Variants in ARL15 observed in about 807,000 individuals in gnomAD.
ARL15 encodes ARF like GTPase 15.
ARL15 carries 19 observed loss-of-function variants against 25.2 expected under a neutral mutation model. That is an observed-to-expected ratio of 0.75 (90% CI 0.53 to 1.10). The LOEUF is 1.10. ARL15 is among the 50% of genes least tolerant of loss of function. ARL15 has a pLI of 0.00. For synonymous variants in ARL15, 94 were observed against 86.8 expected, an observed-to-expected ratio of 1.08 and a Z score of -0.46; for missense variants, 220 against 246.0, an observed-to-expected ratio of 0.89 and a Z score of 0.71.
intron 4 of ARL15, among the ~76,000 whole-genome samples, chr5:54,086,842 C>T (rs181933766): frequency 2.0e-4 from 31 of 152,210 alleles, no homozygotes; most frequent in African/African-American, 5.8e-4. Flanking sequence ...TTCCTCTAGG[C>T]GGTTGACTTA....
At chr5:54,051,911 C>T (rs76925607) in intron 4 of ARL15, among the ~76,000 whole-genome samples, 6,537 of 152,130 alleles carry the variant, frequency 0.043, 476 homozygotes, top group African/African-American at 0.15. Flanking sequence ...ATAGAAGAAT[C>T]GACTACACAA....
chr5:54,018,339 C>G (rs1017700353), intron 4 of ARL15, among the ~76,000 whole-genome samples: 7 of 152,058 alleles, frequency 4.6e-5, no homozygotes, highest in Admixed American at 3.3e-4. Context: ...AGGATATATG[C>G]TATTTTAAAT....
intron 4 of ARL15, among the ~76,000 whole-genome samples, chr5:54,107,018 A>G (rs1200123548): frequency 6.6e-6 from 1 of 152,066 alleles, no homozygotes; most frequent in Non-Finnish European, 1.5e-5. Flanking sequence ...CAAGACTGGG[A>G]AGAAAGAGAG....
chr5:53,951,443 C>T (rs1192435203), intron 4 of ARL15: 1 of 463,528 alleles, frequency 2.2e-6, no homozygotes, highest in Non-Finnish European at 4.5e-6. Context: ...TGTTTACTCT[C>T]AATTTCTGTA....
chr5:53,937,904 C>T (rs1294307855), intron 4 of ARL15, among the ~76,000 whole-genome samples: 1 of 151,878 alleles, frequency 6.6e-6, no homozygotes, highest in Non-Finnish European at 1.5e-5. Context: ...CCAAACAGTG[C>T]ACAGCCAGTT....
chr5:54,293,526 A>G (rs1185061249), intron 1 of ARL15, among the ~76,000 whole-genome samples: 2 of 152,214 alleles, frequency 1.3e-5, no homozygotes, highest in Non-Finnish European at 2.9e-5. Flanking sequence ...TAAATAACTC[A>G]TAGTAAAGTG....
intron 3 of ARL15, among the ~76,000 whole-genome samples, chr5:54,115,866 G>A (rs2112227139): frequency 6.6e-6 from 1 of 152,286 alleles, no homozygotes; most frequent in Non-Finnish European, 1.5e-5. Context: ...TAAGGAAACA[G>A]CAGGGGTACT....
intron 1 of ARL15, among the ~76,000 whole-genome samples, chr5:54,305,580 T>C (rs987205086): frequency 2.6e-5 from 4 of 152,250 alleles, no homozygotes; most frequent in Admixed American, 6.5e-5. Flanking sequence ...TGAGCTATCA[T>C]AGAACTAACT....
At chr5:54,256,925 T>C (rs1757386537) in intron 1 of ARL15, among the ~76,000 whole-genome samples, 1 of 152,174 alleles carries the variant, frequency 6.6e-6, no homozygotes, top group Non-Finnish European at 1.5e-5. Flanking sequence ...TATGCATAGA[T>C]GGAACATACC....
intron 4 of ARL15, among the ~76,000 whole-genome samples, chr5:54,010,400 C>T (rs1749195288): frequency 6.6e-6 from 1 of 152,152 alleles, no homozygotes; most frequent in Non-Finnish European, 1.5e-5. Context: ...ACTGTCACTG[C>T]TAAACATTAG....
At chr5:53,940,769 G>A (rs1439309732) in intron 4 of ARL15, among the ~76,000 whole-genome samples, 1 of 152,160 alleles carries the variant, frequency 6.6e-6, no homozygotes, top group Non-Finnish European at 1.5e-5. Context: ...CATTTCTAAT[G>A]TGTCATCAAT....
intron 1 of ARL15, among the ~76,000 whole-genome samples, chr5:54,227,038 G>A (rs1756544203): frequency 6.6e-6 from 1 of 152,148 alleles, no homozygotes; most frequent in South Asian, 2.1e-4. Flanking sequence ...TGATTGTGTG[G>A]CCTCCCTAGC....
chr5:54,085,544 G>A (rs1442294402), intron 4 of ARL15, among the ~76,000 whole-genome samples: 1 of 152,158 alleles, frequency 6.6e-6, no homozygotes, highest in East Asian at 1.9e-4. Context: ...GCCAGTTGGT[G>A]ATGAATTAGG....
intron 1 of ARL15, among the ~76,000 whole-genome samples, chr5:54,198,156 T>A (rs889846942): frequency 4.9e-4 from 74 of 151,410 alleles, no homozygotes; most frequent in Admixed American, 1.1e-3. Context: ...CAAAATAATA[T>A]CAGCTATCTA....
intron 3 of ARL15, among the ~76,000 whole-genome samples, chr5:54,143,354 A>G (rs1465828850): frequency 6.6e-6 from 1 of 151,956 alleles, no homozygotes; most frequent in East Asian, 1.9e-4. Flanking sequence ...TCTTTAGTCT[A>G]TTTAATGATC....
intron 1 of ARL15, among the ~76,000 whole-genome samples, chr5:54,298,511 A>G (rs1579992087): frequency 1.3e-5 from 2 of 152,112 alleles, no homozygotes; most frequent in East Asian, 3.9e-4. Flanking sequence ...GCACTGCGCC[A>G]TCTCTAGTCC....
intron 1 of ARL15, among the ~76,000 whole-genome samples, chr5:54,174,375 G>A (rs191986157): frequency 1.5e-4 from 23 of 152,168 alleles, no homozygotes. Context: ...CCAAAAGAGT[G>A]GTTTTGGTGT....
intron 4 of ARL15, 132 bp downstream of exon 4, chr5:54,113,070 T>G: frequency 1.1e-6 from 1 of 882,736 alleles, no homozygotes. Context: ...CTGCTTCCTA[T>G]GAAAACTAAG....
At chr5:54,292,294 GT>G in intron 1 of ARL15, among the ~76,000 whole-genome samples, 1 of 152,134 alleles carries the variant, frequency 6.6e-6, no homozygotes, top group East Asian at 1.9e-4. Flanking sequence ...TTATGAATGG[GT>G]TTTAGTGCTA....
Sources: allele counts gnomAD v4.1 joint callset (sites outside exome capture counted in the v4.1 genomes callset), GRCh38; gene constraint gnomAD v4.1.1; transcripts MANE v1.5; gene names NCBI Gene and HGNC (gene_info 2026-07-23, HGNC 2026-07-21).